The following USP49 variants were observed in gnomAD, a reference collection of about 807,000 sequenced individuals.
USP49 encodes ubiquitin specific peptidase 49.
Under a neutral mutation model 58.6 loss-of-function variants are expected in USP49, and 24 were observed. The observed-to-expected ratio is 0.41, with a 90% CI of 0.30 to 0.58. USP49 has a LOEUF of 0.58. Ranked by LOEUF, USP49 falls within the 20% of genes least tolerant of loss-of-function variation. The probability of loss-of-function intolerance (pLI) is 0.30; values close to 1 mark genes in which losing one functional copy is unlikely to be tolerated. For synonymous variants in USP49, 408 were observed against 365.1 expected (o/e 1.12, Z -1.34); for missense variants, 703 against 866.1 (o/e 0.81, Z 2.36).
intron 3 of USP49, among the ~76,000 whole-genome samples, chr6:41,853,961 T>G (rs1774077639): frequency 8.2e-6 from 1 of 122,646 alleles, no homozygotes; most frequent in African/African-American, 3.2e-5. Flanking sequence ...ATTGCGCCAT[T>G]GCACTCCAGC....
chr6:41,842,221 T>C (rs906486567), intron 3 of USP49, among the ~76,000 whole-genome samples: 1 of 151,162 alleles, frequency 6.6e-6, no homozygotes, highest in Non-Finnish European at 1.5e-5. Context: ...AGAAGACACA[T>C]ACTTAGCTGG....
At chr6:41,841,265 A>G (rs1773822889) in intron 3 of USP49, among the ~76,000 whole-genome samples, 1 of 152,088 alleles carries the variant, frequency 6.6e-6, no homozygotes, top group African/African-American at 2.4e-5. Context: ...AATAATTTGG[A>G]TATCTATTAG....
chr6:41,895,058 G>A (rs970503290), intron 1 of USP49, among the ~76,000 whole-genome samples: 1 of 74,390 alleles, frequency 1.3e-5, no homozygotes, highest in South Asian at 4.6e-4. Context: ...CCAGCCCGCC[G>A]GCGCCGCGGT....
At chr6:41,895,122 C>T (rs567188733) in intron 1 of USP49, among the ~76,000 whole-genome samples, 2 of 149,614 alleles carry the variant, frequency 1.3e-5, no homozygotes. Flanking sequence ...GCCTTTGTCG[C>T]CCCTCACCCG....
chr6:41,882,444 C>T (rs1464268151), intron 2 of USP49, among the ~76,000 whole-genome samples: 1 of 152,202 alleles, frequency 6.6e-6, no homozygotes, highest in East Asian at 1.9e-4. Context: ...ACCTATACCA[C>T]ATCCAAAGAT....
intron 3 of USP49, among the ~76,000 whole-genome samples, chr6:41,826,943 A>G (rs1773548617): frequency 6.6e-6 from 1 of 152,132 alleles, no homozygotes; most frequent in South Asian, 2.1e-4. Flanking sequence ...AAAAAATACA[A>G]CTACTCAAGC....
intron 3 of USP49, among the ~76,000 whole-genome samples, chr6:41,863,262 G>GT (rs144433616): frequency 2.4e-3 from 373 of 152,250 alleles, no homozygotes; most frequent in African/African-American, 8.0e-3. Flanking sequence ...AGAAATGGGA[G>GT]TATTAGATCC....
chr6:41,854,502 A>G (rs1038170947), intron 3 of USP49, among the ~76,000 whole-genome samples: 1 of 152,180 alleles, frequency 6.6e-6, no homozygotes, highest in Non-Finnish European at 1.5e-5. Context: ...ACTAATCTTC[A>G]GACTAATAAT....
chr6:41,841,238 T>A (rs1047450599), intron 3 of USP49, among the ~76,000 whole-genome samples: 5 of 152,116 alleles, frequency 3.3e-5, no homozygotes, highest in African/African-American at 1.2e-4. Flanking sequence ...CCCTTCTGCT[T>A]ATCCATTTGT....
At chr6:41,852,293 C>T (rs895574232) in intron 3 of USP49, among the ~76,000 whole-genome samples, 1 of 152,044 alleles carries the variant, frequency 6.6e-6, no homozygotes, top group African/African-American at 2.4e-5. Context: ...CCCCTGCACT[C>T]CAGCCTGGGC....
rs1482985357 is a variant in USP49 at position 41,794,332 on chromosome 6, A to G, written c.*2201T>C. The stretch of plus-strand genomic sequence containing the variant: ...ATAAATCCTTATAATATTTGGTATA[A>G]AACTATTTTTAAAAATTAAATTGGA... On this transcript the variant is annotated 3_prime_UTR_variant, in exon 8 of 8. Coordinates refer to ENST00000682992, the MANE Select transcript of USP49 (RefSeq NM_001286554.2). 2.6e-5 allele frequency: 4 copies of G among 152,368 alleles called. No individual in the cohort carries two copies. The South Asian group carries it at 8.3e-4, about 32-fold the overall frequency. 9.4% of individuals were successfully genotyped at this position (152,368 alleles called of 1,614,324 possible).
In USP49 at chr6:41,796,627, GTTCT is replaced by G; in HGVS notation, c.1969_1972del (p.Arg657GlnfsTer53). The G allele has an allele frequency of 1.4e-6, 1 of 717,446 alleles. No individual in the cohort carries two copies. The highest frequency in any genetic ancestry group is 2.7e-5 in the East Asian group (1 of 37,290). The allele number at this position is 717,446 out of a possible 1,614,324, so 44.4% of individuals were successfully genotyped here. On this transcript the variant is annotated frameshift_variant, in exon 8 of 8. Coordinates refer to ENST00000682992, the MANE Select transcript of USP49 (RefSeq NM_001286554.2). LOFTEE classifies it high-confidence loss of function. ...TGAGATTCTTGCATTGCCCTGCACT[GTTCT>G]TTGAGTGTAAAAAAGGATGTAGGCC...
intron 3 of USP49, among the ~76,000 whole-genome samples, chr6:41,819,919 A>G (rs1256783289): frequency 6.6e-6 from 1 of 152,236 alleles, no homozygotes; most frequent in African/African-American, 2.4e-5. Flanking sequence ...GGCTGCAGTT[A>G]GCCAAATCAC....
At chr6:41,842,324 G>C (rs1773841704) in intron 3 of USP49, among the ~76,000 whole-genome samples, 1 of 151,910 alleles carries the variant, frequency 6.6e-6, no homozygotes, top group Non-Finnish European at 1.5e-5. Context: ...AGTGAGCCGA[G>C]ATCATGCCAC....
chr6:41,849,735 G>A (rs1360289632), intron 3 of USP49, among the ~76,000 whole-genome samples: 1 of 151,736 alleles, frequency 6.6e-6, no homozygotes, highest in Non-Finnish European at 1.5e-5. Context: ...AGCCTCCCAA[G>A]TAGCTGGGAT....
At chr6:41,828,791 G>T (rs1377750018) in intron 3 of USP49, among the ~76,000 whole-genome samples, 1 of 151,342 alleles carries the variant, frequency 6.6e-6, no homozygotes, top group African/African-American at 2.5e-5. Flanking sequence ...GGTAATAAAG[G>T]TACTTGCCAA....
intron 3 of USP49, among the ~76,000 whole-genome samples, chr6:41,827,238 G>A (rs1365930166): frequency 2.0e-5 from 3 of 152,200 alleles, no homozygotes; most frequent in South Asian, 2.1e-4. Flanking sequence ...AACCTTTAGA[G>A]ATAAGGTCTA....
chr6:41,827,289 G>A (rs1313552551), intron 3 of USP49, among the ~76,000 whole-genome samples: 5 of 152,132 alleles, frequency 3.3e-5, no homozygotes, highest in African/African-American at 1.2e-4. Flanking sequence ...CCACCTGGGA[G>A]GGCTCTGAGT....
intron 3 of USP49, among the ~76,000 whole-genome samples, chr6:41,827,697 A>T (rs1051401863): frequency 1.4e-5 from 2 of 146,682 alleles, no homozygotes; most frequent in African/African-American, 5.4e-5. Flanking sequence ...AAAAAAAAAA[A>T]TTTGCCTGGG....
Sources: gnomAD v4.1 joint callset for allele counts (sites outside exome capture counted in the v4.1 genomes callset) on GRCh38, gnomAD v4.1.1 for gene constraint, MANE v1.5 for transcripts, NCBI Gene and HGNC (gene_info 2026-07-23, HGNC 2026-07-21) for gene names.